Variants in WDR19 observed in about 807,000 individuals in gnomAD.
WDR19 encodes WD repeat-containing protein 19.
In WDR19, 121 loss-of-function variants were observed where a neutral mutation model predicts 180.0. That is an observed-to-expected ratio of 0.67 (90% CI 0.58 to 0.78). The LOEUF (loss-of-function observed/expected upper bound fraction) is 0.78, where lower values mean the gene tolerates loss of function less well. WDR19 is among the 30% of genes least tolerant of loss of function. The pLI is 0.00. For synonymous variants in WDR19, 497 were observed against 540.7 expected (o/e 0.92, Z 1.12); for missense variants, 1,450 against 1,640.7 (o/e 0.88, Z 2.01).
Position 39,216,002 on chromosome 4 carries a change from C to T in WDR19, c.1123C>T (p.Pro375Ser). 1 of 1,602,510 alleles carries T rather than the reference C, an allele frequency of 6.2e-7. No individual in the cohort carries two copies. Among genetic ancestry groups the T allele is most frequent in the Non-Finnish European group, 8.5e-7 (1 of 1,174,744 alleles). ...CCTCCTTGAAGTCACCGTAGCCAAC[C>T]CTGTTGAAGGAGTATGAAAATGGTG... is the stretch of plus-strand genomic sequence containing the variant. ...TSLLEVTVAN[P>S]VEGELPITVS... Residue 375 changes from proline to serine, a missense_variant, in exon 11 of 37, where the codon CCT (proline) becomes TCT (serine). Physicochemically the swap from Pro to Ser is moderately conservative, Grantham distance 74. Transcript: ENST00000399820.
chr4:39,283,871 T>G (rs2109545026), intron 36 of WDR19, among the ~76,000 whole-genome samples: 1 of 152,324 alleles, frequency 6.6e-6, no homozygotes, highest in South Asian at 2.1e-4. Flanking sequence ...TTATTTTCCT[T>G]CATTTTTGAG....
intron 28 of WDR19, among the ~76,000 whole-genome samples, chr4:39,259,080 A>G (rs1359513640): frequency 6.6e-6 from 1 of 152,192 alleles, no homozygotes; most frequent in Non-Finnish European, 1.5e-5. Context: ...AAAAAGAAAA[A>G]AAACAGAAAA....
At chr4:39,228,782 T>C (rs1222443795) in intron 17 of WDR19, 92 bp downstream of exon 17, 2 of 1,362,080 alleles carry the variant, frequency 1.5e-6, no homozygotes, top group East Asian at 2.4e-5. Context: ...ATTTTATTGC[T>C]TTATTCTTTA....
chr4:39,206,533 T>A (rs77318369), intron 9 of WDR19, among the ~76,000 whole-genome samples: 1 of 152,232 alleles, frequency 6.6e-6, no homozygotes, highest in Admixed American at 6.5e-5. Context: ...ACAGAGTAAC[T>A]AGAGATCAAG....
intron 28 of WDR19, among the ~76,000 whole-genome samples, chr4:39,259,202 A>C (rs1734046710): frequency 6.6e-6 from 1 of 152,192 alleles, no homozygotes; most frequent in South Asian, 2.1e-4. Context: ...AATTAGGTAT[A>C]TGGTGTAAGG....
chr4:39,227,157 A>G (rs1013792826), intron 15 of WDR19, among the ~76,000 whole-genome samples: 2 of 152,236 alleles, frequency 1.3e-5, no homozygotes, highest in African/African-American at 4.8e-5. Context: ...AGTGCTTAAT[A>G]GGTACATCTG....
chr4:39,244,117 G>A, intron 21 of WDR19, 131 bp from the exon 22 acceptor site: 1 of 1,090,196 alleles, frequency 9.2e-7, no homozygotes, highest in Admixed American at 2.9e-5. Flanking sequence ...TTAAAATCAT[G>A]AGGCTTCCCT....
chr4:39,280,118 T>G (rs1736333678), intron 36 of WDR19, among the ~76,000 whole-genome samples: 1 of 104,456 alleles, frequency 9.6e-6, no homozygotes, highest in South Asian at 3.8e-4. Context: ...TCCCTTTTCT[T>G]GTTTTTTTTT....
At chr4:39,284,638 G>T in intron 36 of WDR19, among the ~76,000 whole-genome samples, 1 of 89,766 alleles carries the variant, frequency 1.1e-5, no homozygotes, top group African/African-American at 4.3e-5. Flanking sequence ...CACCATTCCT[G>T]GCTTTCTAAA....
At chr4:39,206,432 C>G (rs1727958315) in intron 9 of WDR19, among the ~76,000 whole-genome samples, 1 of 152,192 alleles carries the variant, frequency 6.6e-6, no homozygotes, top group African/African-American at 2.4e-5. Flanking sequence ...GCTGTGGCTT[C>G]AAGAAGATAG....
chr4:39,209,231 C>T (rs886914457), intron 9 of WDR19, among the ~76,000 whole-genome samples: 1 of 152,102 alleles, frequency 6.6e-6, no homozygotes, highest in Non-Finnish European at 1.5e-5. Flanking sequence ...AATTAAACAA[C>T]ATATTTCTAA....
chr4:39,233,496 A>G (rs966062384), intron 19 of WDR19, among the ~76,000 whole-genome samples: 8 of 152,248 alleles, frequency 5.3e-5, no homozygotes, highest in Admixed American at 2.0e-4. Flanking sequence ...CTTTTAGCAC[A>G]GTGCCTGATC....
intron 3 of WDR19, among the ~76,000 whole-genome samples, chr4:39,188,983 C>T (rs1274308912): frequency 1.3e-5 from 2 of 151,712 alleles, no homozygotes; most frequent in South Asian, 2.1e-4. Flanking sequence ...AGTGCAGTGG[C>T]GCGATCTTGG....
At chr4:39,254,436 A>G (rs1030367761) in intron 26 of WDR19, among the ~76,000 whole-genome samples, 2 of 152,220 alleles carry the variant, frequency 1.3e-5, no homozygotes, top group Admixed American at 1.3e-4. Flanking sequence ...TACTTTGGTG[A>G]ACAGTGATAT....
intron 24 of WDR19, among the ~76,000 whole-genome samples, chr4:39,251,586 G>A (rs1733190412): frequency 6.6e-6 from 1 of 152,058 alleles, no homozygotes; most frequent in Non-Finnish European, 1.5e-5. Flanking sequence ...CCTACAGAAT[G>A]GGAGAAAATT....
At chr4:39,281,230 TATATATAGAG>T (rs1736486444) in intron 36 of WDR19, among the ~76,000 whole-genome samples, 2 of 97,126 alleles carry the variant, frequency 2.1e-5, no homozygotes, top group Non-Finnish European at 4.0e-5. Flanking sequence ...TATATATATA[TATATATAGAG>T]AGAGAGAGAG....
In WDR19 at chr4:39,277,143, A is replaced by G. The variant is rs767017586; in HGVS notation, c.3840A>G (p.Thr1280=). ...CKNSIPYCIA[T]GRHMLKDDWT... ...ACAGTATCCCATATTGCATTGCAAC[A>G]GTGAGTTCCTTTATAGTAATTTCCC... Residue 1280 remains threonine, a splice_region_variant and synonymous_variant, in exon 34 of 37, where the codon ACA becomes ACG. Coordinates refer to ENST00000399820, the MANE Select transcript of WDR19 (RefSeq NM_025132.4). 4 of 1,602,760 alleles carry G rather than the reference A, an allele frequency of 2.5e-6. No homozygotes were observed. The South Asian group carries it at 3.4e-5, about 14-fold the overall frequency.
At chr4:39,283,196 AGAT>A (rs1209324832) in intron 36 of WDR19, among the ~76,000 whole-genome samples, 2 of 152,182 alleles carry the variant, frequency 1.3e-5, no homozygotes, top group African/African-American at 4.8e-5. Context: ...CTATCAATTG[AGAT>A]GATATGGTTT....
chr4:39,223,582 T>G (rs1729927806), intron 14 of WDR19, among the ~76,000 whole-genome samples: 1 of 152,174 alleles, frequency 6.6e-6, no homozygotes, highest in African/African-American at 2.4e-5. Flanking sequence ...GACCTCGTGA[T>G]CCACCCACTT....
Sources: allele counts gnomAD v4.1 joint callset (sites outside exome capture counted in the v4.1 genomes callset), GRCh38; gene constraint gnomAD v4.1.1; transcripts MANE v1.5; gene names NCBI Gene and HGNC (gene_info 2026-07-23, HGNC 2026-07-21).